TSHR: variants seen among roughly 807,000 people sequenced by gnomAD.
TSHR encodes the protein thyrotropin receptor.
In TSHR, 51 loss-of-function variants were observed where a neutral mutation model predicts 64.1. That is an observed-to-expected ratio of 0.80 (90% confidence interval 0.64 to 1.01). TSHR has a LOEUF of 1.01. Ranked by LOEUF, TSHR falls within the 50% of genes least tolerant of loss-of-function variation. The probability of loss-of-function intolerance (pLI) is 0.00; values close to 1 mark genes in which losing one functional copy is unlikely to be tolerated. For missense variants in TSHR, 877 were observed against 942.8 expected (o/e 0.93, Z 0.91); for synonymous variants, 361 against 361.9 (o/e 1.00, Z 0.03).
At chr14:80,964,762 C>A (rs1366377316) in intron 1 of TSHR, among the ~76,000 whole-genome samples, 1 of 152,166 alleles carries the variant, frequency 6.6e-6, no homozygotes, top group Non-Finnish European at 1.5e-5. Context: ...CACTATGACT[C>A]AATCTTTTTA....
At chr14:81,043,088 G>A (rs1161307182) in intron 1 of TSHR, among the ~76,000 whole-genome samples, 1 of 152,082 alleles carries the variant, frequency 6.6e-6, no homozygotes, top group Non-Finnish European at 1.5e-5. Flanking sequence ...AAGTTCTAGG[G>A]CACGCAGGCA....
chr14:81,124,999 G>A (rs905408777), intron 8 of TSHR, among the ~76,000 whole-genome samples: 9 of 152,122 alleles, frequency 5.9e-5, no homozygotes, highest in Non-Finnish European at 1.0e-4. Context: ...TTATTCCACA[G>A]CCATTTTACT....
intron 1 of TSHR, among the ~76,000 whole-genome samples, chr14:80,962,516 C>T (rs1887088829): frequency 6.6e-6 from 1 of 152,184 alleles, no homozygotes; most frequent in African/African-American, 2.4e-5. Context: ...TAGGCTCACC[C>T]TCATTCACTA....
At chr14:81,090,327 C>A (rs1033588185) in intron 4 of TSHR, among the ~76,000 whole-genome samples, 1 of 152,176 alleles carries the variant, frequency 6.6e-6, no homozygotes, top group Non-Finnish European at 1.5e-5. Context: ...TCACTGCAAC[C>A]TCCACCTCCC....
chr14:81,071,157 G>A (rs1218331633), intron 3 of TSHR, among the ~76,000 whole-genome samples: 1 of 152,058 alleles, frequency 6.6e-6, no homozygotes, highest in Non-Finnish European at 1.5e-5. Context: ...AAGCTTTTAT[G>A]AAAACATTAA....
intron 8 of TSHR, among the ~76,000 whole-genome samples, chr14:81,136,323 G>T (rs1891454023): frequency 1.3e-5 from 2 of 152,224 alleles, no homozygotes; most frequent in African/African-American, 4.8e-5. Flanking sequence ...CACTGGAGAT[G>T]CAAATACGTG....
rs537771127 is a variant in TSHR at position 80,984,094 on chromosome 14, T to C, written c.170+28244T>C. Among the ~76,000 whole-genome samples the C allele has an allele frequency of 1.6e-3, 242 of 152,078 alleles. 5 individuals are homozygous for C. The Middle Eastern group carries it at 0.034, about 21-fold the overall frequency. On this transcript the variant is annotated intron_variant, in intron 1 of 9. Coordinates refer to ENST00000298171, the MANE Select transcript of TSHR (RefSeq NM_000369.5). ...GTGTGTGTGTGTGAGTGTGCACGTG[T>C]ATACCCATGACCAAATGTGCACTCT...
chr14:80,999,458 T>G (rs1414472306), intron 1 of TSHR, among the ~76,000 whole-genome samples: 7 of 152,202 alleles, frequency 4.6e-5, no homozygotes, highest in Non-Finnish European at 5.9e-5. Context: ...TGATGGAGCT[T>G]GAGGAGGTGG....
chr14:81,022,106 C>CAAAAAAAAAAAA (rs10631450), intron 1 of TSHR, among the ~76,000 whole-genome samples: 3 of 115,530 alleles, frequency 2.6e-5, no homozygotes, highest in African/African-American at 1.1e-4. Context: ...ACTAAAAATA[C>CAAAAAAAAAAAA]AAAAAAAAAA....
At chr14:80,976,242 C>G (rs1415232333) in intron 1 of TSHR, among the ~76,000 whole-genome samples, 2 of 152,144 alleles carry the variant, frequency 1.3e-5, no homozygotes, top group East Asian at 3.9e-4. Context: ...CAGCCACAGC[C>G]CACCCCTTGC....
intron 3 of TSHR, among the ~76,000 whole-genome samples, chr14:81,073,762 A>G (rs912856325): frequency 9.9e-5 from 15 of 152,170 alleles, no homozygotes; most frequent in Non-Finnish European, 2.1e-4. Flanking sequence ...ATCCTTCATA[A>G]GAAGTTTATA....
intron 8 of TSHR, among the ~76,000 whole-genome samples, chr14:81,126,600 A>G (rs1330480524): frequency 6.6e-6 from 1 of 152,210 alleles, no homozygotes; most frequent in Non-Finnish European, 1.5e-5. Context: ...TAGAACATAA[A>G]AGAATTTTTG....
At chr14:81,113,370 G>T (rs72689499) in intron 8 of TSHR, among the ~76,000 whole-genome samples, 3 of 152,196 alleles carry the variant, frequency 2.0e-5, no homozygotes, top group African/African-American at 7.2e-5. Flanking sequence ...TGAGATAGGG[G>T]AAGTTAGTTT....
At chr14:80,991,666 T>C in intron 1 of TSHR, 1 of 398,320 alleles carries the variant, frequency 2.5e-6, no homozygotes, top group Non-Finnish European at 4.4e-6. Flanking sequence ...CCAAAAGACA[T>C]TGTAAAGTTA....
chr14:81,018,779 C>A (rs1327479342), intron 1 of TSHR, among the ~76,000 whole-genome samples: 1 of 152,118 alleles, frequency 6.6e-6, no homozygotes, highest in Non-Finnish European at 1.5e-5. Context: ...GTGAAATAGG[C>A]TTTGAGAAAC....
chr14:81,041,043 G>C (rs1252758902), intron 1 of TSHR, among the ~76,000 whole-genome samples: 2 of 152,100 alleles, frequency 1.3e-5, no homozygotes, highest in East Asian at 3.9e-4. Flanking sequence ...AGAGAAAAAG[G>C]AATGCTTTTA....
In TSHR at chr14:81,144,047, G is replaced by A. The variant is rs1426461720; in HGVS notation, c.1989G>A (p.Leu663=). Residue 663 remains leucine, a synonymous_variant, in exon 10 of 10, where the codon CTG becomes CTA. Coordinates refer to ENST00000298171, the MANE Select transcript of TSHR (RefSeq NM_000369.5). ...CTGTTAGCAACTCCAAAATCTTGCT[G>A]GTACTCTTCTATCCACTTAACTCCT... ...LITVSNSKIL[L]VLFYPLNSCA... 1 of 1,614,092 alleles carries A rather than the reference G, an allele frequency of 6.2e-7. No individual in the cohort carries two copies. The highest frequency in any genetic ancestry group is 1.3e-5 in the African/African-American group (1 of 75,006).
chr14:81,049,061 A>T (rs1885308581), intron 1 of TSHR, among the ~76,000 whole-genome samples: 1 of 152,188 alleles, frequency 6.6e-6, no homozygotes, highest in Admixed American at 6.5e-5. Flanking sequence ...TTTTCTTAAA[A>T]TTGTAGTTTC....
At chr14:81,005,478 T>C (rs948412398) in intron 1 of TSHR, among the ~76,000 whole-genome samples, 2 of 152,178 alleles carry the variant, frequency 1.3e-5, no homozygotes, top group Admixed American at 1.3e-4. Context: ...CCTTGGATAC[T>C]GTATTTTGGA....
Sources: allele counts gnomAD v4.1 joint callset (sites outside exome capture counted in the v4.1 genomes callset), GRCh38; gene constraint gnomAD v4.1.1; transcripts MANE v1.5; gene names NCBI Gene and HGNC (gene_info 2026-07-23, HGNC 2026-07-21).